The following EVC variants were observed in gnomAD, a reference collection of about 807,000 sequenced individuals.
EVC encodes the protein evC complex member EVC.
Under a neutral mutation model 118.9 loss-of-function variants are expected in EVC, and 116 were observed. The observed-to-expected ratio is 0.98, with a 90% CI of 0.84 to 1.14. The LOEUF is 1.14. EVC is among the 50% of genes most tolerant of loss of function. EVC has a pLI of 0.00. For missense variants in EVC, 1,401 were observed against 1,246.4 expected (o/e 1.12, Z -1.87); for synonymous variants, 619 against 534.7 (o/e 1.16, Z -2.18).
At chr4:5,721,835 C>G (rs1232459497) in intron 2 of EVC, among the ~76,000 whole-genome samples, 4 of 152,010 alleles carry the variant, frequency 2.6e-5, no homozygotes, top group African/African-American at 9.7e-5. Flanking sequence ...CCACTGCACT[C>G]CAGCTTAAGT....
At chr4:5,821,046 C>T in the EVC span, 1 of 152,252 alleles carries the variant, frequency 6.6e-6, no homozygotes, top group African/African-American at 2.4e-5. The surrounding 1 kb of genome is among the most constrained non-coding windows in gnomAD (Gnocchi z 4.4). Context: ...GGCCTGAAGC[C>T]TAGAGCTGGC....
At chr4:5,765,232 C>T (rs377715027) in intron 11 of EVC, among the ~76,000 whole-genome samples, 1 of 117,718 alleles carries the variant, frequency 8.5e-6, no homozygotes, top group African/African-American at 3.3e-5. Flanking sequence ...ACTCTTAATC[C>T]TGAGTTCTAG....
At chr4:5,774,574 C>A (rs950714212) in intron 11 of EVC, among the ~76,000 whole-genome samples, 4 of 152,004 alleles carry the variant, frequency 2.6e-5, no homozygotes, top group African/African-American at 9.7e-5. Flanking sequence ...CTTCCTTGCC[C>A]CAAGTACCTG....
At position 5,813,760 on chromosome 4, in the gene EVC, A is replaced by G. The variant is rs1717262541; in HGVS notation, c.*2723A>G. 1 of 151,994 alleles carries G rather than the reference A, an allele frequency of 6.6e-6. No homozygotes were observed. The highest frequency in any genetic ancestry group is 1.5e-5 in the Non-Finnish European group (1 of 68,022). The allele number at this position is 151,994 out of a possible 1,614,324, so 9.4% of individuals were successfully genotyped here. A position where few individuals can be genotyped will look rare whatever the true frequency, so the allele number is the denominator to read the frequency against. ...TGAATGCCTGGCTGTCGCATGGAGC[A>G]TTTTGCTTCTGGGGTGTCTTCCTTA... On this transcript the variant is annotated 3_prime_UTR_variant, in exon 21 of 21. Transcript: ENST00000264956.
chr4:5,748,565 T>TATCCATCCATCC (rs202244004), intron 8 of EVC, among the ~76,000 whole-genome samples: 2 of 90,620 alleles, frequency 2.2e-5, no homozygotes, highest in African/African-American at 9.2e-5. Flanking sequence ...CCCACCCATT[T>TATCCATCCATCC]ATCCATCCAT....
At chr4:5,808,680 C>G (rs1716407677) in intron 18 of EVC, among the ~76,000 whole-genome samples, 2 of 152,232 alleles carry the variant, frequency 1.3e-5, no homozygotes, top group African/African-American at 4.8e-5. Context: ...ACCTCTGTGT[C>G]ACTCAGGCAG....
downstream of EVC, among the ~76,000 whole-genome samples, chr4:5,817,560 T>C (rs186386863): frequency 1.2e-4 from 18 of 152,298 alleles, no homozygotes; most frequent in African/African-American, 3.8e-4. Context: ...AAGAGAAAAA[T>C]AGAAAGTTCA....
intron 11 of EVC, among the ~76,000 whole-genome samples, chr4:5,757,148 G>A (rs1414854418): frequency 1.3e-5 from 2 of 152,192 alleles, no homozygotes; most frequent in Non-Finnish European, 2.9e-5. Flanking sequence ...GTGCTAGGAG[G>A]ACTGTGTTTG....
At chr4:5,741,155 A>G (rs1315199671) in intron 5 of EVC, among the ~76,000 whole-genome samples, 1 of 152,230 alleles carries the variant, frequency 6.6e-6, no homozygotes, top group Non-Finnish European at 1.5e-5. Context: ...ATTGTTCATA[A>G]TAGCCCCAAA....
Position 5,719,164 on chromosome 4 carries a change from G to C in EVC, c.175-84G>C. Reference sequence around the variant, plus strand: ...GGCTGCTGGACTGGGGGAGTTGACTGGCAAAAGTCACGGTGGGGACCAGGC... The same window carrying C: ...GGCTGCTGGACTGGGGGAGTTGACTCGCAAAAGTCACGGTGGGGACCAGGC... On this transcript the variant is annotated intron_variant, in intron 1 of 20. Transcript: ENST00000264956. This position sits in a 1 kb window ranked among gnomAD's most constrained non-coding sequence, Gnocchi z 4.7. 1 of 1,586,294 alleles carries C rather than the reference G, an allele frequency of 6.3e-7. No homozygotes were observed. The highest frequency in any genetic ancestry group is 8.6e-7 in the Non-Finnish European group (1 of 1,157,492).
At chr4:5,768,995 T>C (rs1417651698) in intron 11 of EVC, among the ~76,000 whole-genome samples, 1 of 152,118 alleles carries the variant, frequency 6.6e-6, no homozygotes, top group African/African-American at 2.4e-5. Flanking sequence ...ATTTTACCCC[T>C]TCTTTGGGCA....
intron 2 of EVC, among the ~76,000 whole-genome samples, chr4:5,727,092 T>C (rs968482758): frequency 1.3e-5 from 2 of 152,162 alleles, no homozygotes; most frequent in Admixed American, 6.5e-5. Flanking sequence ...TACCCAGTAA[T>C]GGGGTGGCTG....
rs1415671460 is a variant in EVC, at chr4:5,763,997, C to T, written c.1563+7635C>T. On this transcript the variant is annotated intron_variant, in intron 11 of 20. Coordinates refer to ENST00000264956, the MANE Select transcript of EVC (RefSeq NM_153717.3). ...CTTGTGCCAGTTTTCAAAGGGAATG[C>T]TTCCAGTTTTTGCCCATTCAGTGTG... Among the ~76,000 whole-genome samples, 24 of 146,862 alleles carry T rather than the reference C, an allele frequency of 1.6e-4. 1 individual carries two copies. In the South Asian group the frequency reaches 3.8e-3, roughly 24 times the overall value.
chr4:5,716,605 A>C (rs1230666443), intron 1 of EVC, among the ~76,000 whole-genome samples: 2 of 152,178 alleles, frequency 1.3e-5, no homozygotes, highest in Non-Finnish European at 2.9e-5. Context: ...CTGAAAAACA[A>C]CTCAGGGACA....
rs757180182 is a variant in EVC at position 5,729,327 on chromosome 4, C to A, written c.321C>A (p.Asn107Lys). 4 of 1,614,174 alleles carry A rather than the reference C, an allele frequency of 2.5e-6. No individual in the cohort carries two copies. Among genetic ancestry groups the A allele is most frequent in the African/African-American group, 1.3e-5 (1 of 75,038 alleles). Residue 107 changes from asparagine to lysine, a missense_variant, in exon 3 of 21, where the codon AAC (asparagine) becomes AAA (lysine). Asn to Lys is a moderately conservative substitution (Grantham distance 94). Transcript: ENST00000264956. Reference sequence around the variant, plus strand: ...CCCAGGAATGTGAGCCGCCTTCCAACAGCAATATCACAGCATTCGCCCTGA... The same window carrying A: ...CCCAGGAATGTGAGCCGCCTTCCAAAAGCAATATCACAGCATTCGCCCTGA... Reference protein sequence around the residue: ...EAVDECEPPSNSNITAFALKA... With the variant: ...EAVDECEPPSKSNITAFALKA...
intron 11 of EVC, among the ~76,000 whole-genome samples, chr4:5,780,288 A>C (rs868771380): frequency 6.6e-6 from 1 of 152,210 alleles, no homozygotes; most frequent in East Asian, 1.9e-4. Context: ...AGCTAGGTAC[A>C]TTCACCATAC....
intron 3 of EVC, among the ~76,000 whole-genome samples, chr4:5,730,455 C>T (rs189825250): frequency 8.6e-4 from 126 of 145,670 alleles, no homozygotes; most frequent in African/African-American, 3.0e-3. Flanking sequence ...TTGGGAACCA[C>T]ATCCTTCACG....
At chr4:5,722,312 C>G (rs1577332907) in intron 2 of EVC, among the ~76,000 whole-genome samples, 1 of 152,216 alleles carries the variant, frequency 6.6e-6, no homozygotes, top group Non-Finnish European at 1.5e-5. Context: ...CTAGTAATGT[C>G]TTGTTCACTA....
chr4:5,799,057 C>T (rs1004822162), intron 15 of EVC, among the ~76,000 whole-genome samples: 1 of 152,164 alleles, frequency 6.6e-6, no homozygotes, highest in African/African-American at 2.4e-5. Context: ...CTCTGTCTTC[C>T]CAGCAGCACT....
Sources: allele counts gnomAD v4.1 joint callset (sites outside exome capture counted in the v4.1 genomes callset), GRCh38; gene constraint gnomAD v4.1.1; non-coding constraint Gnocchi (gnomAD v3.1); transcripts MANE v1.5; gene names NCBI Gene and HGNC (gene_info 2026-07-23, HGNC 2026-07-21).